Variants in LHPP observed in about 807,000 individuals in gnomAD.
The protein encoded by LHPP is phospholysine phosphohistidine inorganic pyrophosphate phosphatase, also known as hLHPP.
In LHPP, 24 loss-of-function variants were observed where a neutral mutation model predicts 30.3. The ratio of observed to expected loss-of-function variants is 0.79; its 90% CI spans 0.57 to 1.11. The LOEUF is 1.11. Ranked by LOEUF, LHPP falls within the 50% of genes most tolerant of loss-of-function variation. The pLI is 0.00. For synonymous variants in LHPP, 150 were observed against 157.1 expected (o/e 0.95, Z 0.34); for missense variants, 356 against 367.2 (o/e 0.97, Z 0.25).
chr10:124,492,082 G>A (rs2885318), intron 3 of LHPP, among the ~76,000 whole-genome samples: 23,351 of 152,176 alleles, frequency 0.15, 2,210 homozygotes, highest in Non-Finnish European at 0.2. Flanking sequence ...CATAGCTGGA[G>A]CCACTGCCTC....
At chr10:124,599,945 G>C (rs527957950) in intron 6 of LHPP, among the ~76,000 whole-genome samples, 28 of 152,334 alleles carry the variant, frequency 1.8e-4, no homozygotes, top group Middle Eastern at 3.4e-3. Flanking sequence ...TTATTTTGGG[G>C]GTAGGATAGG....
intron 6 of LHPP, among the ~76,000 whole-genome samples, chr10:124,520,559 G>A (rs1177718067): frequency 6.6e-6 from 1 of 152,232 alleles, no homozygotes; most frequent in African/African-American, 2.4e-5. Context: ...GATTTAAAAT[G>A]TCAGACCTTT....
In LHPP at chr10:124,495,457, G is replaced by A. The variant is rs182853092; in HGVS notation, c.468-1504G>A. Reference sequence around the variant, plus strand: ...TGCAGCCCAGCTTGTAAGTTTAGCCGGGAAGCATCTGAGGCAGGCAGTGGA... The same window carrying A: ...TGCAGCCCAGCTTGTAAGTTTAGCCAGGAAGCATCTGAGGCAGGCAGTGGA... On this transcript the variant is annotated intron_variant, in intron 3 of 6. Transcript: ENST00000368842. 1.5e-3 allele frequency among the ~76,000 whole-genome samples: 224 copies of A among 152,352 alleles called. 1 individual carries two copies. The highest frequency in any genetic ancestry group is 0.01 in the Middle Eastern group (3 of 294).
intron 6 of LHPP, among the ~76,000 whole-genome samples, chr10:124,569,071 A>G (rs1948542819): frequency 6.6e-6 from 1 of 152,140 alleles, no homozygotes; most frequent in Admixed American, 6.5e-5. Context: ...TTTGTTTCCA[A>G]GGCAGGTCTG....
chr10:124,513,886 C>T (rs10901743), intron 5 of LHPP, among the ~76,000 whole-genome samples: 18,766 of 151,970 alleles, frequency 0.12, 1,484 homozygotes, highest in South Asian at 0.31. Context: ...GCCACACTGG[C>T]GAGGACTGTA....
chr10:124,566,725 T>C (rs1948496757), intron 6 of LHPP, among the ~76,000 whole-genome samples: 1 of 152,060 alleles, frequency 6.6e-6, no homozygotes, highest in Non-Finnish European at 1.5e-5. Context: ...ACTGTGAGGC[T>C]GTGTGGTGGG....
chr10:124,496,886 C>A lies in LHPP; in HGVS notation c.468-75C>A. The A allele has an allele frequency of 7.2e-7, 1 of 1,380,086 alleles. No individual in the cohort carries two copies. Among genetic ancestry groups the A allele is most frequent in the Non-Finnish European group, 1.0e-6 (1 of 983,938 alleles). 85.5% of individuals were successfully genotyped at this position (1,380,086 alleles called of 1,614,324 possible). ...CAGCCAGCGGGACAGGCCCGGTGCT[C>A]AGCTCCCGATACTTAGCATCCTGCG... On this transcript the variant is annotated intron_variant, in intron 3 of 6. Transcript: ENST00000368842. This position sits in a 1 kb window ranked among gnomAD's most constrained non-coding sequence, Gnocchi z 4.3.
chr10:124,482,018 G>C (rs1008249807), intron 1 of LHPP, among the ~76,000 whole-genome samples: 10 of 149,852 alleles, frequency 6.7e-5, no homozygotes, highest in Admixed American at 4.6e-4. Context: ...AAAGTCTCAG[G>C]CTCAAGAGCG....
At chr10:124,486,087 TG>T (rs1244361930) in intron 2 of LHPP, among the ~76,000 whole-genome samples, 1 of 152,244 alleles carries the variant, frequency 6.6e-6, no homozygotes, top group Non-Finnish European at 1.5e-5. Flanking sequence ...GTTTGGTATT[TG>T]TTTACGGTTT....
intron 6 of LHPP, among the ~76,000 whole-genome samples, chr10:124,564,439 G>C (rs1289068374): frequency 1.3e-5 from 2 of 150,766 alleles, no homozygotes; most frequent in African/African-American, 2.4e-5. Flanking sequence ...TTTTTTTATA[G>C]AGACGAGTCT....
At chr10:124,549,454 T>C (rs1955426859) in intron 6 of LHPP, among the ~76,000 whole-genome samples, 1 of 151,542 alleles carries the variant, frequency 6.6e-6, no homozygotes, top group African/African-American at 2.4e-5. Flanking sequence ...AAAAAAAAGA[T>C]TTGGCCAATG....
At chr10:124,603,208 G>A (rs966028705) in intron 6 of LHPP, among the ~76,000 whole-genome samples, 4 of 152,196 alleles carry the variant, frequency 2.6e-5, no homozygotes, top group East Asian at 3.9e-4. Context: ...CTCACCCCAC[G>A]TGGGAGGAAG....
chr10:124,495,194 C>T (rs1953666975), intron 3 of LHPP, among the ~76,000 whole-genome samples: 1 of 152,256 alleles, frequency 6.6e-6, no homozygotes, highest in Admixed American at 6.5e-5. Context: ...TTTCAGGTCC[C>T]CCCTCTGTGA....
intron 5 of LHPP, among the ~76,000 whole-genome samples, chr10:124,505,416 G>A (rs1382847285): frequency 2.0e-5 from 3 of 152,050 alleles, no homozygotes; most frequent in African/African-American, 7.2e-5. Flanking sequence ...CATTTCCCTT[G>A]ATCACTGCTG....
intron 6 of LHPP, among the ~76,000 whole-genome samples, chr10:124,538,894 G>A (rs942861592): frequency 2.0e-5 from 3 of 152,198 alleles, no homozygotes; most frequent in Non-Finnish European, 4.4e-5. Flanking sequence ...CGTGGCAGAG[G>A]AGGGAAGCAC....
At chr10:124,608,310 C>G (rs893633897) in intron 6 of LHPP, among the ~76,000 whole-genome samples, 2 of 151,976 alleles carry the variant, frequency 1.3e-5, no homozygotes, top group African/African-American at 4.8e-5. Flanking sequence ...GGGGAAGGCT[C>G]AAGGCCGGTC....
At chr10:124,483,082 G>A (rs752393475) in intron 1 of LHPP, among the ~76,000 whole-genome samples, 1 of 151,972 alleles carries the variant, frequency 6.6e-6, no homozygotes, top group Non-Finnish European at 1.5e-5. Flanking sequence ...GGATTCGCGG[G>A]TCTCCTATGA....
At chr10:124,463,734 C>G (rs1236082572) in intron 1 of LHPP, among the ~76,000 whole-genome samples, 1 of 151,898 alleles carries the variant, frequency 6.6e-6, no homozygotes. Flanking sequence ...TCTTGAACTC[C>G]TTGGCTCAGG....
At chr10:124,527,455 C>T (rs559094061) in intron 6 of LHPP, among the ~76,000 whole-genome samples, 1 of 152,202 alleles carries the variant, frequency 6.6e-6, no homozygotes, top group Non-Finnish European at 1.5e-5. Flanking sequence ...GATGTGAACC[C>T]GGTGTGCTCC....
Sources: gnomAD v4.1 joint callset for allele counts (sites outside exome capture counted in the v4.1 genomes callset) on GRCh38, gnomAD v4.1.1 for gene constraint, Gnocchi (gnomAD v3.1) non-coding constraint, MANE v1.5 for transcripts, NCBI Gene and HGNC (gene_info 2026-07-23, HGNC 2026-07-21) for gene names.